GRIN2A: variants seen among roughly 807,000 people sequenced by gnomAD.
GRIN2A encodes glutamate receptor ionotropic, NMDA 2A.
GRIN2A carries 22 observed loss-of-function variants against 113.4 expected under a neutral mutation model. The observed-to-expected ratio is 0.19, with a 90% CI of 0.14 to 0.28. The LOEUF (loss-of-function observed/expected upper bound fraction) is 0.28. GRIN2A is among the 10% of genes least tolerant of loss of function. The pLI, the probability that GRIN2A is intolerant of heterozygous loss-of-function variation, is 1.00. For synonymous variants in GRIN2A, 827 were observed against 738.4 expected (o/e 1.12, Z -1.94); for missense variants, 1,502 against 1,887.0 (o/e 0.80, Z 3.78).
At chr16:9,806,352 A>G (rs2041966424) in intron 10 of GRIN2A, among the ~76,000 whole-genome samples, 1 of 152,240 alleles carries the variant, frequency 6.6e-6, no homozygotes, top group East Asian at 1.9e-4. Context: ...GATTTGAGTC[A>G]TCTATGGATT....
chr16:9,971,007 G>A (rs140856586), intron 2 of GRIN2A, among the ~76,000 whole-genome samples: 35 of 150,562 alleles, frequency 2.3e-4, no homozygotes, highest in African/African-American at 8.0e-4. Context: ...AGGCAAGACT[G>A]GGGGGAAGGG....
At chr16:9,846,348 A>C (rs1209437636) in intron 5 of GRIN2A, among the ~76,000 whole-genome samples, 1 of 152,174 alleles carries the variant, frequency 6.6e-6, no homozygotes, top group African/African-American at 2.4e-5. Context: ...TGTATTCAGG[A>C]TTTCAACTTC....
intron 3 of GRIN2A, among the ~76,000 whole-genome samples, chr16:9,916,083 T>C (rs2044243540): frequency 6.6e-6 from 1 of 152,130 alleles, no homozygotes; most frequent in Non-Finnish European, 1.5e-5. Flanking sequence ...TAGGTCAATC[T>C]CTTTGTGTAA....
At position 10,111,640 on chromosome 16, in the gene GRIN2A, G is replaced by C. The variant is rs1176258195; in HGVS notation, c.414+68358C>G. 19 of 1,525,944 alleles carry C rather than the reference G, an allele frequency of 1.2e-5. No homozygotes were observed. In the East Asian group the frequency reaches 4.1e-4, roughly 33 times the overall value. 94.5% of individuals were successfully genotyped at this position (1,525,944 alleles called of 1,614,324 possible). On this transcript the variant is annotated intron_variant, in intron 2 of 12. Transcript: ENST00000330684. ...GGCCATCGCGATGGCTCTGATGGGA[G>C]GTATTGGTTTCATTCACCACAACTG...
intron 2 of GRIN2A, among the ~76,000 whole-genome samples, chr16:10,164,874 G>A (rs1160590591): frequency 2.0e-5 from 3 of 152,164 alleles, no homozygotes; most frequent in Non-Finnish European, 2.9e-5. Context: ...TTATAACAAT[G>A]AGTTAATATT....
chr16:9,807,201 GGGAGATGGAGAGGGAGAGGGGGAA>G (rs2041988905), intron 10 of GRIN2A, among the ~76,000 whole-genome samples: 1 of 127,846 alleles, frequency 7.8e-6, no homozygotes. Context: ...GAGAGAGAGA[GGGAGATGGAGAGGGAGAGGGGGAA>G]AAAGTGGGGG....
intron 3 of GRIN2A, among the ~76,000 whole-genome samples, chr16:9,891,751 G>T (rs1394151472): frequency 1.3e-5 from 2 of 152,184 alleles, no homozygotes; most frequent in Non-Finnish European, 2.9e-5. Context: ...GGCAAGAAAA[G>T]ACACAAACAG....
At chr16:9,906,304 C>T (rs1432241903) in intron 3 of GRIN2A, among the ~76,000 whole-genome samples, 1 of 152,226 alleles carries the variant, frequency 6.6e-6, no homozygotes, top group Non-Finnish European at 1.5e-5. Context: ...CAGTATCCTG[C>T]ATTGGAGCAA....
chr16:9,841,082 T>A lies in GRIN2A; in HGVS notation c.1351A>T (p.Asn451Tyr), dbSNP rs2141345962. 4 of 1,613,754 alleles carry A rather than the reference T, an allele frequency of 2.5e-6. No homozygotes were observed. The South Asian group carries it at 4.4e-5, about 18-fold the overall frequency. Reference sequence around the variant, plus strand: ...AACCCCTTGCAGCATTTCTTCACATTCATCCCCTCATTGGTTGAATTGCTG... The same window carrying A: ...AACCCCTTGCAGCATTTCTTCACATACATCCCCTCATTGGTTGAATTGCTG... ...KINNSTNEGM[N>Y]VKKCCKGFCI... Residue 451 changes from asparagine (N) to tyrosine (Y), a missense_variant, in exon 6 of 13, where the codon AAT (asparagine) becomes TAT (tyrosine). Asn to Tyr is a moderately radical substitution (Grantham distance 143). Transcript: ENST00000330684.
rs77621979 is a variant in GRIN2A at position 9,893,027 on chromosome 16, C to T, written c.1008-1927G>A. On this transcript the variant is annotated intron_variant, in intron 3 of 12. Coordinates refer to ENST00000330684, the MANE Select transcript of GRIN2A (RefSeq NM_001134407.3). ...TGGCCTAATGGGTCACATGTACATC[C>T]CTGGACCAGCATGGTGCAGAAGCGA... 3.6e-3 allele frequency among the ~76,000 whole-genome samples: 544 copies of T among 151,848 alleles called. 7 individuals carry two copies. The highest frequency in any genetic ancestry group is 0.012 in the African/African-American group (512 of 41,376).
intron 4 of GRIN2A, among the ~76,000 whole-genome samples, chr16:9,874,086 G>T (rs569675640): frequency 6.6e-6 from 1 of 152,040 alleles, no homozygotes; most frequent in Non-Finnish European, 1.5e-5. Context: ...CATTTCCAAC[G>T]GAGTCTTTCT....
At chr16:9,905,343 T>C (rs1250754276) in intron 3 of GRIN2A, among the ~76,000 whole-genome samples, 4 of 152,188 alleles carry the variant, frequency 2.6e-5, no homozygotes, top group African/African-American at 9.7e-5. Flanking sequence ...TCTACTTGCT[T>C]TTTTCAGGGC....
chr16:9,787,562 G>A (rs1427103074), intron 11 of GRIN2A, among the ~76,000 whole-genome samples: 1 of 152,172 alleles, frequency 6.6e-6, no homozygotes, highest in East Asian at 1.9e-4. Flanking sequence ...CTCCTGGGGG[G>A]CTGTGTCCTG....
In GRIN2A at chr16:9,761,237, G is replaced by A. The variant is rs1900568802; in HGVS notation, c.*1912C>T. 2 of 230,852 alleles carry A rather than the reference G, an allele frequency of 8.7e-6. No homozygotes were observed. The highest frequency in any genetic ancestry group is 4.4e-5 in the African/African-American group (2 of 45,174). 14.3% of individuals were successfully genotyped at this position (230,852 alleles called of 1,614,324 possible). A position where few individuals can be genotyped will look rare whatever the true frequency, so the allele number is the denominator to read the frequency against. ...ATTCCATGCATCCTTGAGCTTTAAG[G>A]GAATCATCCCTGACACTTGCCCACA... On this transcript the variant is annotated 3_prime_UTR_variant, in exon 13 of 13. Transcript: ENST00000330684.
intron 8 of GRIN2A, among the ~76,000 whole-genome samples, chr16:9,832,791 T>G (rs946287912): frequency 1.3e-5 from 2 of 152,184 alleles, no homozygotes; most frequent in Non-Finnish European, 2.9e-5. Flanking sequence ...AGGCTTGCAA[T>G]CTCCCATTAA....
chr16:10,071,603 G>A (rs368843968), intron 2 of GRIN2A, among the ~76,000 whole-genome samples: 3 of 152,192 alleles, frequency 2.0e-5, no homozygotes, highest in South Asian at 2.1e-4. Flanking sequence ...AGTGGAGTTT[G>A]GGAAGGCATT....
At chr16:9,842,428 T>C (rs191326910) in intron 5 of GRIN2A, among the ~76,000 whole-genome samples, 23 of 152,332 alleles carry the variant, frequency 1.5e-4, no homozygotes, top group Admixed American at 1.4e-3. Context: ...ATGAATATGT[T>C]CTCTGTTTGA....
chr16:9,872,463 G>A (rs1344580798), intron 4 of GRIN2A, among the ~76,000 whole-genome samples: 1 of 152,098 alleles, frequency 6.6e-6, no homozygotes, highest in Non-Finnish European at 1.5e-5. Flanking sequence ...TCTAGCTTTT[G>A]TCCCCACTGA....
At chr16:10,104,912 C>T (rs945910441) in intron 2 of GRIN2A, among the ~76,000 whole-genome samples, 1 of 152,052 alleles carries the variant, frequency 6.6e-6, no homozygotes, top group Non-Finnish European at 1.5e-5. Flanking sequence ...ACCTGAAACT[C>T]CACGATATGA....
Sources: gnomAD v4.1 joint callset for allele counts (sites outside exome capture counted in the v4.1 genomes callset) on GRCh38, gnomAD v4.1.1 for gene constraint, MANE v1.5 for transcripts, NCBI Gene and HGNC (gene_info 2026-07-23, HGNC 2026-07-21) for gene names.